The following SPEN variants were observed in gnomAD, a reference collection of about 807,000 sequenced individuals.
The protein encoded by SPEN is msx2-interacting protein.
Under a neutral mutation model 269.9 loss-of-function variants are expected in SPEN, and 18 were observed. The ratio of observed to expected loss-of-function variants is 0.07; its 90% CI spans 0.05 to 0.10. The LOEUF is 0.10. Among genes scored for constraint, SPEN ranks in the 10% least tolerant of loss-of-function variants. The pLI is 1.00. For synonymous variants in SPEN, 1,726 were observed against 1,765.7 expected (o/e 0.98, Z 0.56); for missense variants, 3,822 against 4,631.2 (o/e 0.83, Z 5.07).
chr1:15,928,204 G>T lies in SPEN; in HGVS notation c.1964G>T (p.Arg655Ile). ...AGGCGGGACTATCCAGCTCGAGGGA[G>T]AGAGTTTTATTCAGAATGGGAAACT... ...DSRRDYPARG[R>I]EFYSEWETYQ... The change falls in exon 11 of 15, where the codon AGA becomes ATA. Residue 655 changes from arginine (R) to isoleucine (I), a missense_variant. Arg to Ile is a moderately conservative substitution (Grantham distance 97). Coordinates refer to ENST00000375759, the MANE Select transcript of SPEN (RefSeq NM_015001.3). The surrounding 1 kb of genome is among the most constrained non-coding windows in gnomAD (Gnocchi z 5.7). 1 of 1,614,226 alleles carries T rather than the reference G, an allele frequency of 6.2e-7. No homozygotes were observed. The highest frequency in any genetic ancestry group is 8.5e-7 in the Non-Finnish European group (1 of 1,180,042).
intron 1 of SPEN, among the ~76,000 whole-genome samples, chr1:15,855,384 T>C (rs2070375701): frequency 6.6e-6 from 1 of 152,226 alleles, no homozygotes; most frequent in Non-Finnish European, 1.5e-5. Context: ...TTCTTAAAAT[T>C]GACTAAAAGT....
In SPEN at chr1:15,934,455, G is replaced by A; in HGVS notation, c.8215G>A (p.Val2739Met). Residue 2739 changes from valine to methionine, a missense_variant, in exon 11 of 15, where the codon GTG (valine) becomes ATG (methionine). Coordinates refer to ENST00000375759, the MANE Select transcript of SPEN (RefSeq NM_015001.3). This position sits in a 1 kb window ranked among gnomAD's most constrained non-coding sequence, Gnocchi z 9.2. ...ASAVNATASAVTVTAGAVTAA... is the reference protein window; with the variant it reads ...ASAVNATASAMTVTAGAVTAA... ...TGCAGTGAATGCCACAGCAAGTGCA[G>A]TGACCGTCACAGCGGGTGCGGTTAC... 1.2e-6 allele frequency: 2 copies of A among 1,614,052 alleles called. No individual in the cohort carries two copies. Among genetic ancestry groups the A allele is most frequent in the Non-Finnish European group, 1.7e-6 (2 of 1,180,046 alleles).
At chr1:15,863,360 CT>C (rs2070466568) in intron 1 of SPEN, among the ~76,000 whole-genome samples, 1 of 152,116 alleles carries the variant, frequency 6.6e-6, no homozygotes, top group Non-Finnish European at 1.5e-5. Context: ...CAGAGCTTTA[CT>C]GGAAACAGAT....
rs375319827 is a variant in SPEN, at chr1:15,898,558, CT to C, written c.882-10748del. The stretch of plus-strand genomic sequence containing the variant: ...GTCAAAATTTTTTTTTTCTTTTTTT[CT>C]TTTTTTTTTTTTTTGTTTGAGACAG... On this transcript the variant is annotated intron_variant, in intron 3 of 14. Transcript: ENST00000375759. Among the ~76,000 whole-genome samples, 843 of 131,904 alleles carry C rather than the reference CT, an allele frequency of 6.4e-3. 2 individuals are homozygous for C. Among genetic ancestry groups the C allele is most frequent in the Non-Finnish European group, 1.0e-2 (621 of 62,344 alleles). The allele number at this position is 131,904 out of a possible 152,430, so 86.5% of individuals were successfully genotyped here. A position where few individuals can be genotyped will look rare whatever the true frequency, so the allele number is the denominator to read the frequency against.
At chr1:15,869,038 C>T (rs1436947444) in intron 1 of SPEN, among the ~76,000 whole-genome samples, 1 of 152,052 alleles carries the variant, frequency 6.6e-6, no homozygotes, top group Non-Finnish European at 1.5e-5. Flanking sequence ...CAAGTAACAG[C>T]TTTTATTAAA....
intron 8 of SPEN, 45 bp downstream of exon 8, chr1:15,919,562 C>T (rs369459308): frequency 1.1e-5 from 13 of 1,205,262 alleles, no homozygotes; most frequent in South Asian, 3.0e-5. Context: ...CTGACTCACT[C>T]GTCTTGGTAT....
At chr1:15,901,676 CAA>C (rs2070902493) in intron 3 of SPEN, among the ~76,000 whole-genome samples, 1 of 142,652 alleles carries the variant, frequency 7.0e-6, no homozygotes, top group African/African-American at 2.6e-5. Flanking sequence ...AAAACACCAA[CAA>C]AAGAGGCTTA....
At chr1:15,898,615 A>G (rs2070865842) in intron 3 of SPEN, among the ~76,000 whole-genome samples, 1 of 141,104 alleles carries the variant, frequency 7.1e-6, no homozygotes, top group Non-Finnish European at 1.5e-5. Flanking sequence ...GCTAGAGTGC[A>G]GTGTCTCAGT....
chr1:15,892,055 C>G (rs1381546954), intron 3 of SPEN, among the ~76,000 whole-genome samples: 3 of 111,504 alleles, frequency 2.7e-5, no homozygotes, highest in Non-Finnish European at 5.0e-5. Flanking sequence ...GAGTCTCGCT[C>G]TGTCGCCCAG....
intron 3 of SPEN, among the ~76,000 whole-genome samples, chr1:15,883,586 A>G (rs942187882): frequency 3.3e-5 from 5 of 151,910 alleles, no homozygotes; most frequent in Non-Finnish European, 5.9e-5. Flanking sequence ...ACATCTGGCT[A>G]ATTTTTTGGC....
At chr1:15,880,608 C>T (rs2070677909) in intron 3 of SPEN, among the ~76,000 whole-genome samples, 2 of 151,850 alleles carry the variant, frequency 1.3e-5, no homozygotes, top group Non-Finnish European at 2.9e-5. Context: ...GGCACTGCCA[C>T]CATGCCCGGC....
At position 15,911,203 on chromosome 1, in the gene SPEN, T is replaced by A. The variant is rs770893248; in HGVS notation, c.1145T>A (p.Phe382Tyr). Residue 382 changes from phenylalanine (F) to tyrosine (Y), a missense_variant, in exon 5 of 15, where the codon TTC becomes TAC. Phe to Tyr is a conservative substitution (Grantham distance 22). Coordinates refer to ENST00000375759, the MANE Select transcript of SPEN (RefSeq NM_015001.3). ...TCAGAAGAGAGGTATGGTCTGGTATTCTTTCGGCAGCAAGAGGACCAAGAA... is the reference window on the plus strand; with the variant it reads ...TCAGAAGAGAGGTATGGTCTGGTATACTTTCGGCAGCAAGAGGACCAAGAA... ...GTSEERYGLV[F>Y]FRQQEDQEKA... 6 of 1,614,180 alleles carry A rather than the reference T, an allele frequency of 3.7e-6. No homozygotes were observed. In the East Asian group the frequency reaches 1.1e-4, roughly 30 times the overall value.
chr1:15,934,586 C>T lies in SPEN; in HGVS notation c.8346C>T (p.Asn2782=), dbSNP rs2071256105. 1 of 1,614,166 alleles carries T rather than the reference C, an allele frequency of 6.2e-7. No individual in the cohort carries two copies. Among genetic ancestry groups the T allele is most frequent in the Non-Finnish European group, 8.5e-7 (1 of 1,180,040 alleles). Residue 2782 remains asparagine, a synonymous_variant, in exon 11 of 15, where the codon AAC becomes AAT. Transcript: ENST00000375759. This position sits in a 1 kb window ranked among gnomAD's most constrained non-coding sequence, Gnocchi z 9.2. ...KCKQRASANE[N]SRFHPGSMPV... is the part of the protein sequence containing the mutation. Reference sequence around the variant, plus strand: ...AACAGAGAGCGAGTGCTAATGAAAACAGTCGGTTCCACCCAGGGTCCATGC... The same window carrying T: ...AACAGAGAGCGAGTGCTAATGAAAATAGTCGGTTCCACCCAGGGTCCATGC...
intron 6 of SPEN, among the ~76,000 whole-genome samples, chr1:15,918,142 T>C (rs1043416156): frequency 4.6e-5 from 7 of 152,158 alleles, no homozygotes; most frequent in Non-Finnish European, 1.0e-4. Context: ...CAGTTATCTG[T>C]TATTTATTTA....
intron 3 of SPEN, among the ~76,000 whole-genome samples, chr1:15,908,438 T>G (rs552634110): frequency 1.3e-5 from 2 of 151,974 alleles, no homozygotes; most frequent in African/African-American, 4.8e-5. Context: ...TTTTTTTTTT[T>G]CTAAGATGGA....
chr1:15,935,399 C>A lies in SPEN; in HGVS notation c.9159C>A (p.Asn3053Lys), dbSNP rs753548343. 6.2e-7 allele frequency: 1 copy of A among 1,614,028 alleles called. No homozygotes were observed. Among genetic ancestry groups the A allele is most frequent in the Non-Finnish European group, 8.5e-7 (1 of 1,180,026 alleles). The change falls in exon 11 of 15, where the codon AAC (asparagine) becomes AAA (lysine). Residue 3053 changes from asparagine (N) to lysine (K), a missense_variant. Around this residue, in one of 16 missense-constraint regions of SPEN, gnomAD observed 153 missense variants for 228.5 expected, o/e 0.67. Transcript: ENST00000375759. This position sits in a 1 kb window ranked among gnomAD's most constrained non-coding sequence, Gnocchi z 7.7. ...CTGCATCTACGGCGCTCTCCACCAA[C>A]GCCACAGTCATGCTGGCTGCAGGCA... Reference protein sequence around the residue: ...SSTASTALSTNATVMLAAGIP... With the variant: ...SSTASTALSTKATVMLAAGIP...
At chr1:15,880,809 A>G (rs1275071839) in intron 3 of SPEN, among the ~76,000 whole-genome samples, 1 of 152,042 alleles carries the variant, frequency 6.6e-6, no homozygotes, top group Non-Finnish European at 1.5e-5. Flanking sequence ...AAATCTTTTG[A>G]CTGCTGGGAA....
chr1:15,869,424 A>G (rs1431298477), intron 1 of SPEN, among the ~76,000 whole-genome samples: 1 of 152,106 alleles, frequency 6.6e-6, no homozygotes, highest in African/African-American at 2.4e-5. Flanking sequence ...AAATTTTGTT[A>G]CAAAAAAGGT....
intron 5 of SPEN, among the ~76,000 whole-genome samples, chr1:15,914,710 G>C (rs1431185780): frequency 6.6e-6 from 1 of 152,060 alleles, no homozygotes; most frequent in Non-Finnish European, 1.5e-5. Context: ...TGTAATCCCA[G>C]CCACTTGGGA....
Sources: allele counts gnomAD v4.1 joint callset (sites outside exome capture counted in the v4.1 genomes callset), GRCh38; gene constraint gnomAD v4.1.1; regional missense constraint gnomAD v4.1.1; non-coding constraint Gnocchi (gnomAD v3.1); transcripts MANE v1.5; gene names NCBI Gene and HGNC (gene_info 2026-07-23, HGNC 2026-07-21).